STXBP5: variants seen among roughly 807,000 people sequenced by gnomAD.
STXBP5 encodes syntaxin-binding protein 5.
Under a neutral mutation model 152.4 loss-of-function variants are expected in STXBP5, and 50 were observed. That is an observed-to-expected ratio of 0.33 (90% CI 0.26 to 0.42). The LOEUF is 0.42. Ranked by LOEUF, STXBP5 falls within the 10% of genes least tolerant of loss-of-function variation. The pLI is 1.00. For missense variants in STXBP5, 1,167 were observed against 1,388.6 expected (o/e 0.84, Z 2.54); for synonymous variants, 492 against 494.7 (o/e 0.99, Z 0.07).
intron 4 of STXBP5, among the ~76,000 whole-genome samples, chr6:147,250,497 T>G (rs1334060045): frequency 1.3e-5 from 2 of 152,122 alleles, no homozygotes; most frequent in Non-Finnish European, 2.9e-5. Context: ...ATGGGAAGAT[T>G]TGTGTAGGTT....
rs1776455387 is a variant in STXBP5 at position 147,204,805 on chromosome 6, T to C, written c.150+123T>C. ...ACGCCAATAATAATAATAATAACTC[T>C]AATAAAAGGCTCGCTCCTCCCTTGG... is the stretch of plus-strand genomic sequence containing the variant. On this transcript the variant is annotated intron_variant, in intron 1 of 27. Transcript: ENST00000321680. The surrounding 1 kb of genome is among the most constrained non-coding windows in gnomAD (Gnocchi z 4.3). 7.2e-6 allele frequency: 8 copies of C among 1,111,012 alleles called. No homozygotes were observed. The South Asian group carries it at 1.3e-4, about 18-fold the overall frequency. The allele number at this position is 1,111,012 out of a possible 1,614,324, so 68.8% of individuals were successfully genotyped here.
At chr6:147,308,266 G>GC (rs1434394855) in intron 9 of STXBP5, among the ~76,000 whole-genome samples, 1 of 152,156 alleles carries the variant, frequency 6.6e-6, no homozygotes, top group Non-Finnish European at 1.5e-5. Flanking sequence ...ACTTTCCTGA[G>GC]CACGGTCATA....
At chr6:147,384,615 G>A in intron 27 of STXBP5, 99 bp from the exon 28 acceptor site, 1 of 1,215,140 alleles carries the variant, frequency 8.2e-7, no homozygotes, top group Non-Finnish European at 1.2e-6. Flanking sequence ...ACAGAATATT[G>A]CAGAATGACA....
In STXBP5 at chr6:147,386,688, T is replaced by G. The variant is rs1431527763; in HGVS notation, c.*1933T>G. The stretch of plus-strand genomic sequence containing the variant: ...TTAATTTGTGTTATCTATTATCCAG[T>G]AAACCCATAGTTCCATGATATGTCA... On this transcript the variant is annotated 3_prime_UTR_variant, in exon 28 of 28. Transcript: ENST00000321680. 6.6e-6 allele frequency: 1 copy of G among 151,880 alleles called. No individual in the cohort carries two copies. Among genetic ancestry groups the G allele is most frequent in the Non-Finnish European group, 1.5e-5 (1 of 67,816 alleles). 9.4% of individuals were successfully genotyped at this position (151,880 alleles called of 1,614,324 possible).
At chr6:147,255,443 A>G (rs1211602524) in intron 4 of STXBP5, among the ~76,000 whole-genome samples, 2 of 152,200 alleles carry the variant, frequency 1.3e-5, no homozygotes, top group African/African-American at 2.4e-5. Flanking sequence ...CTGGGTGGGT[A>G]GTCAAGAACA....
chr6:147,366,957 G>A (rs1785318400), intron 25 of STXBP5, among the ~76,000 whole-genome samples: 1 of 152,170 alleles, frequency 6.6e-6, no homozygotes, highest in Non-Finnish European at 1.5e-5. Flanking sequence ...CAGTTACCAG[G>A]CATGGAAAGA....
At chr6:147,245,845 C>T (rs963330781) in intron 4 of STXBP5, among the ~76,000 whole-genome samples, 5 of 152,036 alleles carry the variant, frequency 3.3e-5, no homozygotes, top group Admixed American at 1.3e-4. Flanking sequence ...GGATAGCTGC[C>T]GATACCAGCA....
chr6:147,257,670 A>G (rs1779437626), intron 4 of STXBP5, among the ~76,000 whole-genome samples: 1 of 152,198 alleles, frequency 6.6e-6, no homozygotes, highest in Non-Finnish European at 1.5e-5. Flanking sequence ...CACTGTTTGC[A>G]TTCCTGAAAA....
At chr6:147,238,992 A>G (rs561675358) in intron 3 of STXBP5, among the ~76,000 whole-genome samples, 178 bp from the exon 4 acceptor site, 17 of 152,340 alleles carry the variant, frequency 1.1e-4, no homozygotes, top group African/African-American at 3.8e-4. Context: ...TGCATGTAAT[A>G]CACGTACACT....
At chr6:147,235,029 T>C (rs898442244) in intron 2 of STXBP5, among the ~76,000 whole-genome samples, 2 of 152,072 alleles carry the variant, frequency 1.3e-5, no homozygotes, top group African/African-American at 2.4e-5. Context: ...AATAATTCAT[T>C]TTCTTCTAAT....
At position 147,219,799 on chromosome 6, in the gene STXBP5, GTTTTTTTTT is replaced by G. The variant is rs35444906; in HGVS notation, c.248+13744_248+13752del. Among the ~76,000 whole-genome samples the G allele has an allele frequency of 6.6e-4, 57 of 86,114 alleles. 1 individual carries two copies. Among genetic ancestry groups the G allele is most frequent in the East Asian group, 5.4e-3 (16 of 2,958 alleles). 56.5% of individuals were successfully genotyped at this position (86,114 alleles called of 152,430 possible). ...TTTTCCTTAGCATGGCTAGAAGCTT[GTTTTTTTTT>G]TTTTTTTTTTTTGAAGGAAGCAGCT... On this transcript the variant is annotated intron_variant, in intron 2 of 27. Transcript: ENST00000321680.
chr6:147,264,095 T>G lies in STXBP5; in HGVS notation c.630+1742T>G, dbSNP rs1245177731. 4.0e-5 allele frequency among the ~76,000 whole-genome samples: 6 copies of G among 151,226 alleles called. No homozygotes were observed. In the East Asian group the frequency reaches 1.2e-3, roughly 29 times the overall value. On this transcript the variant is annotated intron_variant, in intron 6 of 27. Transcript: ENST00000321680. ...AATAAGTTATATATATATATAAAATTTAAAAAATATTAGGGTGCTAGAATA... is the reference window on the plus strand; with the variant it reads ...AATAAGTTATATATATATATAAAATGTAAAAAATATTAGGGTGCTAGAATA...
intron 8 of STXBP5, among the ~76,000 whole-genome samples, chr6:147,286,812 CT>C (rs1416880523): frequency 6.6e-6 from 1 of 151,884 alleles, no homozygotes; most frequent in African/African-American, 2.4e-5. Flanking sequence ...CTCCCTCAGC[CT>C]TTTCCCATGT....
chr6:147,311,774 A>G (rs111349774), intron 11 of STXBP5, among the ~76,000 whole-genome samples: 1 of 152,168 alleles, frequency 6.6e-6, no homozygotes, highest in Non-Finnish European at 1.5e-5. Context: ...ATTCAACCTG[A>G]CACTTAGATA....
At chr6:147,207,621 C>T (rs535396580) in intron 2 of STXBP5, among the ~76,000 whole-genome samples, 10 of 152,128 alleles carry the variant, frequency 6.6e-5, no homozygotes, top group African/African-American at 1.7e-4. Flanking sequence ...TCTGTAGTGA[C>T]GAGACTAGTA....
intron 4 of STXBP5, among the ~76,000 whole-genome samples, chr6:147,254,729 C>T (rs1779271205): frequency 6.6e-6 from 1 of 152,206 alleles, no homozygotes; most frequent in Admixed American, 6.5e-5. Flanking sequence ...GTCATCATCA[C>T]TGGTCATTAG....
In STXBP5 at chr6:147,359,312, T is replaced by A; in HGVS notation, c.2534T>A (p.Val845Glu). 5 of 1,613,488 alleles carry A rather than the reference T, an allele frequency of 3.1e-6. No homozygotes were observed. Among genetic ancestry groups the A allele is most frequent in the Non-Finnish European group, 4.2e-6 (5 of 1,179,470 alleles). The part of the protein sequence containing the change: ...GEQRLLQPVI[V>E]SPSGTILRLK... ...CAAAGACTTCTTCAGCCAGTAATTG[T>A]GTCTCCAAGTGGTATGTATTGCTGC... The change falls in exon 23 of 28, where the codon GTG (valine) becomes GAG (glutamate). Residue 845 changes from valine (V) to glutamate (E), a missense_variant. Coordinates refer to ENST00000321680, the MANE Select transcript of STXBP5 (RefSeq NM_001127715.4).
rs773808021 is a variant in STXBP5, at chr6:147,325,099, C to T, written c.1928+15C>T. The T allele has an allele frequency of 3.3e-5, 49 of 1,479,578 alleles. No individual in the cohort carries two copies. Among genetic ancestry groups the T allele is most frequent in the African/African-American group, 7.1e-5 (5 of 70,090 alleles). 91.7% of individuals were successfully genotyped at this position (1,479,578 alleles called of 1,614,324 possible). A position where few individuals can be genotyped will look rare whatever the true frequency, so the allele number is the denominator to read the frequency against. ...TCCTATGGACTGTAAGTATAAGTTA[C>T]GTTTTTTTCTAAGTCTCTTCATAGT... On this transcript the variant is annotated intron_variant, in intron 17 of 27. Transcript: ENST00000321680.
intron 7 of STXBP5, among the ~76,000 whole-genome samples, chr6:147,273,673 C>T (rs1015362281): frequency 6.6e-5 from 10 of 152,166 alleles, no homozygotes; most frequent in Admixed American, 2.6e-4. Context: ...ACGTTGATGC[C>T]GGGCGTGGTG....
Sources: allele counts gnomAD v4.1 joint callset (sites outside exome capture counted in the v4.1 genomes callset), GRCh38; gene constraint gnomAD v4.1.1; non-coding constraint Gnocchi (gnomAD v3.1); transcripts MANE v1.5; gene names NCBI Gene and HGNC (gene_info 2026-07-23, HGNC 2026-07-21).